TECTA: variants seen among roughly 807,000 people sequenced by gnomAD.
TECTA encodes tectorin alpha.
TECTA carries 128 observed loss-of-function variants against 216.8 expected under a neutral mutation model. The ratio of observed to expected loss-of-function variants is 0.59; its 90% CI spans 0.51 to 0.68. The LOEUF (loss-of-function observed/expected upper bound fraction) is 0.68. Ranked by LOEUF, TECTA falls within the 30% of genes least tolerant of loss-of-function variation. TECTA has a pLI of 0.00. For missense variants in TECTA, 2,551 were observed against 2,786.2 expected (o/e 0.92, Z 1.90); for synonymous variants, 1,089 against 1,117.1 (o/e 0.97, Z 0.50).
intron 20 of TECTA, among the ~76,000 whole-genome samples, chr11:121,176,390 C>T (rs1235049260): frequency 6.8e-6 from 1 of 146,698 alleles, no homozygotes; most frequent in East Asian, 2.0e-4. Context: ...CTGGTGGTGA[C>T]AAAATCTCTC....
At chr11:121,168,380 C>A in intron 19 of TECTA, 163 bp downstream of exon 19, 1 of 1,012,638 alleles carries the variant, frequency 9.9e-7, no homozygotes, top group Non-Finnish European at 1.5e-6. Context: ...ATAGAACTCT[C>A]TGTGACGATG....
At chr11:121,135,307 C>T (rs1308989836) in intron 10 of TECTA, among the ~76,000 whole-genome samples, 1 of 152,216 alleles carries the variant, frequency 6.6e-6, no homozygotes, top group Non-Finnish European at 1.5e-5. Context: ...TAATTTCACA[C>T]AGGCATTCCG....
In TECTA at chr11:121,137,576, C is replaced by T. The variant is rs142486386; in HGVS notation, c.3097C>T (p.Arg1033Trp). 506 of 1,613,930 alleles carry T rather than the reference C, an allele frequency of 3.1e-4. 3 individuals are homozygous for T. In the African/African-American group the frequency reaches 3.3e-3, roughly 11 times the overall value. Reference protein sequence around the residue: ...YALLGSQCVTRSECGCNFEGH... With the variant: ...YALLGSQCVTWSECGCNFEGH... ...TCTACTGGGCAGCCAGTGTGTCACG[C>T]GGAGTGAGTGTGGCTGCAACTTTGA... Residue 1033 changes from arginine to tryptophan, a missense_variant, in exon 11 of 24, where the codon CGG (arginine) becomes TGG (tryptophan). By Grantham distance (101) the Arg-to-Trp change is moderately radical (BLOSUM62 -3). This residue lies in a region of TECTA where 2,375 missense variants were observed against 2,563.9 expected (regional missense o/e 0.93). Coordinates refer to ENST00000392793, the MANE Select transcript of TECTA (RefSeq NM_005422.4).
chr11:121,168,978 C>T, intron 20 of TECTA, 53 bp downstream of exon 20: 29 of 1,612,898 alleles, frequency 1.8e-5, no homozygotes, highest in Non-Finnish European at 2.3e-5. Flanking sequence ...ATAATATTGT[C>T]CTCATCATTT....
intron 20 of TECTA, among the ~76,000 whole-genome samples, chr11:121,173,528 T>C (rs1947134783): frequency 8.8e-6 from 1 of 113,526 alleles, no homozygotes; most frequent in Non-Finnish European, 1.8e-5. Flanking sequence ...CTGAGGGCTC[T>C]GTTCTGTTCC....
intron 20 of TECTA, among the ~76,000 whole-genome samples, chr11:121,179,977 T>TC (rs199688676): frequency 6.7e-6 from 1 of 150,078 alleles, no homozygotes; most frequent in African/African-American, 2.5e-5. Flanking sequence ...TTTGTTTGTT[T>TC]TTTTTTTTTT....
chr11:121,189,943 A>G, intron 23 of TECTA, 63 bp downstream of exon 23: 1 of 1,401,650 alleles, frequency 7.1e-7, no homozygotes, highest in South Asian at 1.2e-5. Context: ...TACCACCAGA[A>G]GGAGAAATTC....
intron 20 of TECTA, among the ~76,000 whole-genome samples, chr11:121,177,900 G>C (rs1947185139): frequency 6.6e-6 from 1 of 152,160 alleles, no homozygotes. Flanking sequence ...CCCTCCCCCA[G>C]CCTTGCTGCC....
At chr11:121,150,723 GCA>G (rs1409056033) in intron 12 of TECTA, among the ~76,000 whole-genome samples, 7 of 139,904 alleles carry the variant, frequency 5.0e-5, no homozygotes, top group Non-Finnish European at 9.0e-5. Flanking sequence ...TCAGCTCACT[GCA>G]ACCACCGCCT....
intron 10 of TECTA, among the ~76,000 whole-genome samples, chr11:121,135,123 G>C (rs567871491): frequency 6.6e-6 from 1 of 152,218 alleles, no homozygotes; most frequent in Non-Finnish European, 1.5e-5. Context: ...TCGTCAGGCC[G>C]CCGAGCACTA....
At chr11:121,177,966 A>G (rs1244588551) in intron 20 of TECTA, among the ~76,000 whole-genome samples, 2 of 152,344 alleles carry the variant, frequency 1.3e-5, no homozygotes, top group East Asian at 3.9e-4. Context: ...CTCTGTGGGC[A>G]TAGGACCCTC....
chr11:121,184,298 G>C (rs1411015885), intron 20 of TECTA, among the ~76,000 whole-genome samples: 1 of 151,976 alleles, frequency 6.6e-6, no homozygotes, highest in Non-Finnish European at 1.5e-5. Context: ...CCTCCTCTTT[G>C]TCTCTCTCTC....
intron 10 of TECTA, 51 bp downstream of exon 10, chr11:121,130,262 C>T (rs1565524212): frequency 6.3e-7 from 1 of 1,581,988 alleles, no homozygotes; most frequent in East Asian, 2.2e-5. Context: ...GAAATAGGTG[C>T]CATGCTGGGC....
At chr11:121,158,807 G>T (rs1946970265) in intron 14 of TECTA, among the ~76,000 whole-genome samples, 1 of 152,186 alleles carries the variant, frequency 6.6e-6, no homozygotes, top group South Asian at 2.1e-4. Flanking sequence ...CCATTGCCTG[G>T]TTTCTTGTTT....
Position 121,157,994 on chromosome 11 carries a change from T to C in TECTA, c.4459T>C (p.Cys1487Arg), listed in dbSNP as rs1314367145. The change falls in exon 14 of 24, where the codon TGC becomes CGC. Residue 1487 changes from cysteine to arginine, a missense_variant. This residue lies in a region of TECTA where 2,375 missense variants were observed against 2,563.9 expected (regional missense o/e 0.93). Transcript: ENST00000392793. Reference protein sequence around the residue: ...RGCFSTKTSYCLAAGGGVFRT... With the variant: ...RGCFSTKTSYRLAAGGGVFRT... ...CTGCTTCAGCACCAAGACCTCCTACTGCCTGGCGGCCGGCGGCGGCGTCTT... is the reference window on the plus strand; with the variant it reads ...CTGCTTCAGCACCAAGACCTCCTACCGCCTGGCGGCCGGCGGCGGCGTCTT... 1.9e-6 allele frequency: 3 copies of C among 1,613,284 alleles called. No individual in the cohort carries two copies. Among genetic ancestry groups the C allele is most frequent in the African/African-American group, 1.3e-5 (1 of 75,072 alleles).
At chr11:121,125,921 A>G in intron 8 of TECTA, 49 bp downstream of exon 8, 1 of 1,586,834 alleles carries the variant, frequency 6.3e-7, no homozygotes, top group Non-Finnish European at 8.5e-7. Flanking sequence ...TGCAGGGGGC[A>G]GGGATAGGCT....
intron 20 of TECTA, among the ~76,000 whole-genome samples, chr11:121,181,035 C>T (rs912937103): frequency 5.3e-5 from 8 of 151,856 alleles, no homozygotes; most frequent in Non-Finnish European, 8.8e-5. Context: ...GGTCTGGTGG[C>T]GTGTCTGTAG....
rs1947304335 is a variant in TECTA, at chr11:121,187,994, CGTAA to C, written c.6162+3_6162+6del. ...ACTCAGAAAAGTACTCCTGTAAAAT[CGTAA>C]GTGAGAGTGTGAAAACAAAGTGCTT... is the stretch of plus-strand genomic sequence containing the variant. On this transcript the variant is annotated splice_donor_variant and splice_donor_region_variant and intron_variant, in intron 21 of 23. Coordinates refer to ENST00000392793, the MANE Select transcript of TECTA (RefSeq NM_005422.4). LOFTEE classifies it high-confidence loss of function. 3 of 1,613,954 alleles carry C rather than the reference CGTAA, an allele frequency of 1.9e-6. No individual in the cohort carries two copies. Among genetic ancestry groups the C allele is most frequent in the South Asian group, 1.1e-5 (1 of 91,080 alleles).
rs767223223 is a variant in TECTA, at chr11:121,127,874, T to C, written c.1897T>C (p.Cys633Arg). 1 of 1,613,968 alleles carries C rather than the reference T, an allele frequency of 6.2e-7. No individual in the cohort carries two copies. Among genetic ancestry groups the C allele is most frequent in the Non-Finnish European group, 8.5e-7 (1 of 1,179,996 alleles). Residue 633 changes from cysteine to arginine, a missense_variant, in exon 9 of 24, where the codon TGC (cysteine) becomes CGC (arginine). Around this residue, in one of 3 missense-constraint regions of TECTA, gnomAD observed 2,375 missense variants for 2,563.9 expected, o/e 0.93. Transcript: ENST00000392793. The surrounding 1 kb of genome is among the most constrained non-coding windows in gnomAD (Gnocchi z 5.0). ...CACGCCGTGCACAGAGGGCTGCGAGTGCAACCAGGGCTTCGTCCTCAGCAC... is the reference window on the plus strand; with the variant it reads ...CACGCCGTGCACAGAGGGCTGCGAGCGCAACCAGGGCTTCGTCCTCAGCAC... ...CATPCTEGCE[C>R]NQGFVLSTSQ...
Sources: allele counts gnomAD v4.1 joint callset (sites outside exome capture counted in the v4.1 genomes callset), GRCh38; gene constraint gnomAD v4.1.1; regional missense constraint gnomAD v4.1.1; non-coding constraint Gnocchi (gnomAD v3.1); transcripts MANE v1.5; gene names NCBI Gene and HGNC (gene_info 2026-07-23, HGNC 2026-07-21).